DIAPH3: variants seen among roughly 807,000 people sequenced by gnomAD.
DIAPH3 encodes the protein diaphanous related formin 3, also known as protein diaphanous homolog 3.
Under a neutral mutation model 144.3 loss-of-function variants are expected in DIAPH3, and 117 were observed. The ratio of observed to expected loss-of-function variants is 0.81; its 90% CI spans 0.70 to 0.95. DIAPH3 has a LOEUF of 0.95. DIAPH3 is among the 40% of genes least tolerant of loss of function. The pLI, the probability that DIAPH3 is intolerant of heterozygous loss-of-function variation, is 0.00. For synonymous variants in DIAPH3, 519 were observed against 488.9 expected (o/e 1.06, Z -0.81); for missense variants, 1,421 against 1,412.7 (o/e 1.01, Z -0.09).
At chr13:59,731,816 T>C (rs188265326) in intron 27 of DIAPH3, among the ~76,000 whole-genome samples, 1 of 152,334 alleles carries the variant, frequency 6.6e-6, no homozygotes, top group East Asian at 1.9e-4. Flanking sequence ...AAAATGTTTG[T>C]ACCTAAAGTT....
intron 3 of DIAPH3, among the ~76,000 whole-genome samples, chr13:60,099,603 T>C (rs2058205880): frequency 6.6e-6 from 1 of 152,182 alleles, no homozygotes; most frequent in African/African-American, 2.4e-5. Flanking sequence ...GCATGTTGCT[T>C]TCACCACTGT....
chr13:60,010,104 A>G (rs1001062835), intron 8 of DIAPH3, among the ~76,000 whole-genome samples: 1 of 152,126 alleles, frequency 6.6e-6, no homozygotes, highest in Non-Finnish European at 1.5e-5. Flanking sequence ...TCACTTTCTA[A>G]TCTGCCTTAT....
At chr13:59,678,058 A>G (rs2032739002) in intron 27 of DIAPH3, among the ~76,000 whole-genome samples, 1 of 152,144 alleles carries the variant, frequency 6.6e-6, no homozygotes, top group Non-Finnish European at 1.5e-5. Flanking sequence ...AATTAGGAGG[A>G]TCTAACTTAT....
chr13:59,795,039 C>T (rs2039518585), intron 25 of DIAPH3, among the ~76,000 whole-genome samples: 2 of 152,184 alleles, frequency 1.3e-5, no homozygotes, highest in Non-Finnish European at 2.9e-5. Context: ...CTGTAAATGG[C>T]CTGTGGGCCG....
At chr13:59,949,777 T>A (rs1347599777) in intron 17 of DIAPH3, among the ~76,000 whole-genome samples, 3 of 152,190 alleles carry the variant, frequency 2.0e-5, no homozygotes, top group Non-Finnish European at 4.4e-5. Context: ...GTCAAGCAGA[T>A]AACAATAAAA....
At chr13:60,105,075 G>A (rs1220735374) in intron 3 of DIAPH3, among the ~76,000 whole-genome samples, 5 of 105,140 alleles carry the variant, frequency 4.8e-5, no homozygotes, top group African/African-American at 1.9e-4. Context: ...CATCCAGCCT[G>A]GGCGACAAAG....
intron 27 of DIAPH3, among the ~76,000 whole-genome samples, chr13:59,752,194 T>C (rs2037042242): frequency 6.6e-6 from 1 of 152,210 alleles, no homozygotes; most frequent in South Asian, 2.1e-4. Context: ...TTTTCACAAA[T>C]ACTCTATAAG....
chr13:59,780,386 T>C (rs2139323609), intron 25 of DIAPH3, among the ~76,000 whole-genome samples: 1 of 152,282 alleles, frequency 6.6e-6, no homozygotes, highest in South Asian at 2.1e-4. Flanking sequence ...TAATAAGATG[T>C]TTAGATGATT....
chr13:59,825,499 G>A (rs373003172), intron 24 of DIAPH3, among the ~76,000 whole-genome samples: 1 of 152,028 alleles, frequency 6.6e-6, no homozygotes, highest in Admixed American at 6.6e-5. Flanking sequence ...TAAACATATG[G>A]GTGCATGTGT....
chr13:60,080,883 C>T (rs2057535271), intron 4 of DIAPH3, among the ~76,000 whole-genome samples: 1 of 151,936 alleles, frequency 6.6e-6, no homozygotes, highest in Admixed American at 6.6e-5. Flanking sequence ...CATTTTAAAA[C>T]AGAAGGTGAT....
chr13:60,019,356 C>A (rs1202502571), intron 5 of DIAPH3, among the ~76,000 whole-genome samples: 2 of 152,120 alleles, frequency 1.3e-5, no homozygotes, highest in African/African-American at 4.8e-5. Context: ...TAAATATGCA[C>A]GTTTCTTCTT....
intron 2 of DIAPH3, among the ~76,000 whole-genome samples, chr13:60,118,942 A>G (rs1296587951): frequency 1.3e-5 from 2 of 152,196 alleles, no homozygotes; most frequent in Non-Finnish European, 2.9e-5. Flanking sequence ...GTCCTTTCAC[A>G]TGACTTACGA....
intron 21 of DIAPH3, among the ~76,000 whole-genome samples, chr13:59,877,181 A>T (rs1261757338): frequency 6.6e-6 from 1 of 151,866 alleles, no homozygotes; most frequent in Admixed American, 6.6e-5. Flanking sequence ...GTAGAATAAC[A>T]ACAAAAAACC....
intron 25 of DIAPH3, among the ~76,000 whole-genome samples, chr13:59,777,515 T>G (rs138746797): frequency 1.1e-3 from 167 of 152,268 alleles, no homozygotes; most frequent in African/African-American, 3.8e-3. Flanking sequence ...TTGCAAAAAC[T>G]ATTGTGCATA....
intron 27 of DIAPH3, among the ~76,000 whole-genome samples, chr13:59,681,707 C>T (rs2032961008): frequency 6.6e-6 from 1 of 151,870 alleles, no homozygotes; most frequent in Non-Finnish European, 1.5e-5. Flanking sequence ...AAGTGCTTTA[C>T]AAAAATCATC....
At chr13:60,131,421 G>A (rs1174788796) in intron 2 of DIAPH3, among the ~76,000 whole-genome samples, 3 of 130,668 alleles carry the variant, frequency 2.3e-5, no homozygotes, top group Non-Finnish European at 4.6e-5. Context: ...GGACAACAGA[G>A]CGAGACCCTG....
At chr13:59,789,475 T>C (rs1342599881) in intron 25 of DIAPH3, among the ~76,000 whole-genome samples, 2 of 152,208 alleles carry the variant, frequency 1.3e-5, no homozygotes, top group East Asian at 1.9e-4. Context: ...CTTATGAAGT[T>C]TTTGAATAAA....
intron 20 of DIAPH3, among the ~76,000 whole-genome samples, chr13:59,880,855 T>A (rs1051481860): frequency 6.6e-6 from 1 of 151,432 alleles, no homozygotes; most frequent in Admixed American, 6.6e-5. Flanking sequence ...TCATATACAA[T>A]CAAGATTCTA....
At chr13:60,040,226 CAAAAAAAAAAAA>C (rs5803983) in intron 5 of DIAPH3, among the ~76,000 whole-genome samples, 1 of 34,834 alleles carries the variant, frequency 2.9e-5, no homozygotes, top group Non-Finnish European at 4.6e-5. Context: ...GACTCCATCT[CAAAAAAAAAAAA>C]AAAAAAAAAA....
Sources: allele counts gnomAD v4.1 joint callset (sites outside exome capture counted in the v4.1 genomes callset), GRCh38; gene constraint gnomAD v4.1.1; transcripts MANE v1.5; gene names NCBI Gene and HGNC (gene_info 2026-07-23, HGNC 2026-07-21).